The following PRDM1 variants were observed in gnomAD, a reference collection of about 807,000 sequenced individuals.
The protein encoded by PRDM1 is PR/SET domain 1.
Under a neutral mutation model 62.8 loss-of-function variants are expected in PRDM1, and 13 were observed. That is an observed-to-expected ratio of 0.21 (90% CI 0.13 to 0.33). The LOEUF (loss-of-function observed/expected upper bound fraction) is 0.33. PRDM1 is among the 10% of genes least tolerant of loss of function. PRDM1 has a pLI of 1.00. For synonymous variants in PRDM1, 396 were observed against 417.6 expected (o/e 0.95, Z 0.63); for missense variants, 895 against 1,058.8 (o/e 0.85, Z 2.15).
rs1372689466 is a variant in PRDM1, at chr6:105,994,893, C to G, written c.-67+1254C>G. On this transcript the variant is annotated intron_variant, in intron 1 of 6. Transcript: ENST00000652320. The surrounding 1 kb of genome is among the most constrained non-coding windows in gnomAD (Gnocchi z 4.1). ...GCGGTCCGACCGGGTCCGGGGACGG[C>G]GCGCTTGTCGCGGGAGCCTCCCGGC... Among the ~76,000 whole-genome samples, 1 of 152,230 alleles carries G rather than the reference C, an allele frequency of 6.6e-6. No homozygotes were observed. Among genetic ancestry groups the G allele is most frequent in the Non-Finnish European group, 1.5e-5 (1 of 68,040 alleles).
rs1302729989 is a variant in PRDM1, at chr6:106,013,350, CAG to C, written c.-67+19714_-67+19715del. Among the ~76,000 whole-genome samples the C allele has an allele frequency of 2.6e-3, 359 of 138,566 alleles. 1 individual carries two copies. The highest frequency in any genetic ancestry group is 9.6e-3 in the African/African-American group (353 of 36,726). The allele number at this position is 138,566 out of a possible 152,430, so 90.9% of individuals were successfully genotyped here. The stretch of plus-strand genomic sequence containing the variant: ...CTTTTCTTTTTTTTTTTTTTTGAGA[CAG>C]AGTCTCTCTTTGTTGCTCGGGCTGG... On this transcript the variant is annotated intron_variant, in intron 1 of 6. Coordinates refer to the PRDM1 transcript ENST00000652320.
chr6:106,038,809 C>A (rs1336739217), intron 1 of PRDM1, among the ~76,000 whole-genome samples: 1 of 152,122 alleles, frequency 6.6e-6, no homozygotes, highest in Non-Finnish European at 1.5e-5. Flanking sequence ...CCAAAATTAA[C>A]CATAATTTGA....
chr6:106,064,012 C>T (rs1174092448), intron 1 of PRDM1, among the ~76,000 whole-genome samples: 1 of 152,138 alleles, frequency 6.6e-6, no homozygotes, highest in Non-Finnish European at 1.5e-5. Context: ...ACCCCAAATC[C>T]GGCATCTGGG....
intron 1 of PRDM1, among the ~76,000 whole-genome samples, chr6:106,087,000 G>A (rs1166412595): frequency 6.6e-6 from 1 of 150,856 alleles, no homozygotes; most frequent in Non-Finnish European, 1.5e-5. Flanking sequence ...TTTTTTTTAA[G>A]AGCATCCTAT....
In PRDM1 at chr6:106,106,548, T is replaced by A; in HGVS notation, c.1902+49T>A. On this transcript the variant is annotated intron_variant, in intron 6 of 6. Coordinates refer to ENST00000369096, the MANE Select transcript of PRDM1 (RefSeq NM_001198.4). This position sits in a 1 kb window ranked among gnomAD's most constrained non-coding sequence, Gnocchi z 4.4. ...CCTTCTGACCTTTGTAGAAAATGTC[T>A]GTGAGTCACCCTCCCATGTCCTATA... 1 of 1,609,690 alleles carries A rather than the reference T, an allele frequency of 6.2e-7. No homozygotes were observed. The highest frequency in any genetic ancestry group is 8.5e-7 in the Non-Finnish European group (1 of 1,178,094).
At chr6:106,095,891 G>C in intron 3 of PRDM1, 157 bp downstream of exon 3, 1 of 766,622 alleles carries the variant, frequency 1.3e-6, no homozygotes, top group Non-Finnish European at 2.0e-6. Context: ...CTGAACAAAT[G>C]TGATGAAACC....
At chr6:106,020,971 C>T (rs1562146186) in intron 1 of PRDM1, among the ~76,000 whole-genome samples, 2 of 152,164 alleles carry the variant, frequency 1.3e-5, no homozygotes, top group Non-Finnish European at 2.9e-5. Flanking sequence ...ACCTGCACAT[C>T]CTCTGAGGAC....
At chr6:106,085,027 C>T (rs949013196), upstream of PRDM1, among the ~76,000 whole-genome samples, 2 of 152,148 alleles carry the variant, frequency 1.3e-5, no homozygotes, top group African/African-American at 4.8e-5. Flanking sequence ...GAAAAGTTTT[C>T]TAAAAGTGAG....
intron 1 of PRDM1, among the ~76,000 whole-genome samples, chr6:106,032,166 ATACTT>A (rs202153076): frequency 0.02 from 3,118 of 152,140 alleles, 114 homozygotes; most frequent in South Asian, 0.17. Flanking sequence ...ATATTAAAGA[ATACTT>A]TATTTATTTA....
chr6:106,094,291 G>A (rs1291318886), intron 2 of PRDM1, among the ~76,000 whole-genome samples: 1 of 152,154 alleles, frequency 6.6e-6, no homozygotes, highest in African/African-American at 2.4e-5. Flanking sequence ...TAAAGTGATA[G>A]GTAGGCTATC....
chr6:106,032,042 C>T (rs1372965989), intron 1 of PRDM1, among the ~76,000 whole-genome samples: 1 of 152,088 alleles, frequency 6.6e-6, no homozygotes, highest in African/African-American at 2.4e-5. Context: ...AAGATGATGC[C>T]TTACCCACAG....
intron 1 of PRDM1, among the ~76,000 whole-genome samples, chr6:106,006,713 A>G (rs559377468): frequency 1.3e-5 from 2 of 152,038 alleles, no homozygotes; most frequent in South Asian, 2.1e-4. Flanking sequence ...TTTGAGGTGA[A>G]GGCAGTGTCC....
chr6:106,029,385 CTT>C (rs1772808934), intron 1 of PRDM1, among the ~76,000 whole-genome samples: 1 of 152,188 alleles, frequency 6.6e-6, no homozygotes, highest in South Asian at 2.1e-4. Context: ...GTTAAAAAGA[CTT>C]TGTATATTCC....
At position 106,101,698 on chromosome 6, in the gene PRDM1, A is replaced by G. The variant is rs572531609; in HGVS notation, c.664+2146A>G. ...TCAGGAAAATTTCCACTATTTCATC[A>G]GGCCTAATAGGTAGATTGTGTCTCC... On this transcript the variant is annotated intron_variant, in intron 4 of 6. Transcript: ENST00000369096. 4.6e-5 allele frequency among the ~76,000 whole-genome samples: 7 copies of G among 152,292 alleles called. No homozygotes were observed. In the South Asian group the frequency reaches 1.5e-3, roughly 32 times the overall value.
At chr6:106,086,291 G>A (rs953067988), upstream of PRDM1, 5 of 419,136 alleles carry the variant, frequency 1.2e-5, no homozygotes, top group African/African-American at 1.0e-4. Context: ...TCGCGCAGCC[G>A]AGTGGCTAAG....
At chr6:106,031,346 T>C (rs1445482524) in intron 1 of PRDM1, among the ~76,000 whole-genome samples, 3 of 152,210 alleles carry the variant, frequency 2.0e-5, no homozygotes, top group Admixed American at 6.5e-5. Context: ...TCTTCAGGGA[T>C]GACCCAGCAG....
At chr6:106,022,815 C>T (rs1772709838) in intron 1 of PRDM1, among the ~76,000 whole-genome samples, 1 of 152,202 alleles carries the variant, frequency 6.6e-6, no homozygotes, top group Admixed American at 6.5e-5. Context: ...CCCAGCCTCC[C>T]AAATTGTTGG....
intron 1 of PRDM1, among the ~76,000 whole-genome samples, chr6:105,996,884 C>A (rs148631910): frequency 1.3e-5 from 2 of 152,134 alleles, no homozygotes; most frequent in African/African-American, 2.4e-5. Context: ...TGTCTCCTGG[C>A]GTGGAGGCAC....
At chr6:106,085,601 T>C (rs2114612980), upstream of PRDM1, among the ~76,000 whole-genome samples, 1 of 152,316 alleles carries the variant, frequency 6.6e-6, no homozygotes, top group East Asian at 1.9e-4. Context: ...CACTAATTAC[T>C]GCCTCCGACC....
Sources: allele counts gnomAD v4.1 joint callset (sites outside exome capture counted in the v4.1 genomes callset), GRCh38; gene constraint gnomAD v4.1.1; non-coding constraint Gnocchi (gnomAD v3.1); transcripts MANE v1.5; gene names NCBI Gene and HGNC (gene_info 2026-07-23, HGNC 2026-07-21).